The following CSRNP2 variants were observed in gnomAD, a reference collection of about 807,000 sequenced individuals.
CSRNP2 encodes the protein cysteine and serine rich nuclear protein 2.
A neutral mutation model predicts 36.6 loss-of-function variants in CSRNP2; 11 were observed. The observed-to-expected ratio is 0.30, with a 90% CI of 0.19 to 0.50. The LOEUF (loss-of-function observed/expected upper bound fraction) is 0.50, where lower values mean the gene tolerates loss of function less well. CSRNP2 is among the 20% of genes least tolerant of loss of function. CSRNP2 has a pLI of 0.98. For synonymous variants in CSRNP2, 248 were observed against 275.3 expected (o/e 0.90, Z 0.98); for missense variants, 483 against 691.4 (o/e 0.70, Z 3.38).
chr12:51,069,365 C>T (rs1024628505), intron 3 of CSRNP2, among the ~76,000 whole-genome samples: 2 of 147,862 alleles, frequency 1.4e-5, no homozygotes, highest in African/African-American at 5.1e-5. Context: ...CGGCTCACTG[C>T]AATCTCTGCC....
chr12:51,076,650 GC>G lies in CSRNP2; in HGVS notation c.-86-4del. 31 of 1,480,422 alleles carry G rather than the reference GC, an allele frequency of 2.1e-5. No homozygotes were observed. The highest frequency in any genetic ancestry group is 2.7e-5 in the Non-Finnish European group (29 of 1,075,106). 91.7% of individuals were successfully genotyped at this position (1,480,422 alleles called of 1,614,324 possible). On this transcript the variant is annotated splice_polypyrimidine_tract_variant and splice_region_variant and intron_variant, in intron 1 of 4. Coordinates refer to ENST00000228515, the MANE Select transcript of CSRNP2 (RefSeq NM_030809.3). ...AGCTAGCCAGGTACATTAGGATTCT[GC>G]CCAGGGAAAAAAAGGAATCAGCATT...
chr12:51,072,614 T>C (rs1469146538), intron 3 of CSRNP2, among the ~76,000 whole-genome samples: 1 of 88,118 alleles, frequency 1.1e-5, no homozygotes, highest in East Asian at 5.0e-4. Context: ...AAGAGCCATG[T>C]AAGGTGGGTC....
rs1399056803 is a variant in CSRNP2 at position 51,074,076 on chromosome 12, G to C, written c.158C>G (p.Ser53Cys). ...CAGCTGCTTCTGCCGCTTCAGGATG[G>C]ATGTGGCTGAGAAGGGAGCACAGAG... ...PPTTASFTPTSILKRQKQLRR... is the reference protein window; with the variant it reads ...PPTTASFTPTCILKRQKQLRR... Residue 53 changes from serine to cysteine, a missense_variant, in exon 3 of 5, where the codon TCC becomes TGC. By Grantham distance (112) the Ser-to-Cys change is moderately radical. Around this residue, in one of 2 missense-constraint regions of CSRNP2, gnomAD observed 206 missense variants for 367.8 expected, o/e 0.56. Transcript: ENST00000228515. 3 of 1,613,644 alleles carry C rather than the reference G, an allele frequency of 1.9e-6. No individual in the cohort carries two copies. Among genetic ancestry groups the C allele is most frequent in the Non-Finnish European group, 2.5e-6 (3 of 1,179,904 alleles).
rs750651991 is a variant in CSRNP2, at chr12:51,073,915, G to A, written c.319C>T (p.Leu107Phe). The change falls in exon 3 of 5, where the codon CTC (leucine) becomes TTC (phenylalanine). Residue 107 changes from leucine (L) to phenylalanine (F), a missense_variant. Leu to Phe is a conservative substitution (Grantham distance 22, BLOSUM62 0). Transcript: ENST00000228515. ...TCCTGTTCCTGGGCAAACTCACAGA[G>A]TGTATAGCTCCGTACAGAGTTATGG... is the stretch of plus-strand genomic sequence containing the variant. ...QRHNSVRSYTLCEFAQEQEVN... is the reference protein window; with the variant it reads ...QRHNSVRSYTFCEFAQEQEVN... The A allele has an allele frequency of 1.2e-6, 2 of 1,614,102 alleles. No homozygotes were observed. The highest frequency in any genetic ancestry group is 3.3e-5 in the Admixed American group (2 of 60,008).
chr12:51,064,232 C>T lies in CSRNP2; in HGVS notation c.1146G>A (p.Gln382=). ...CAGAGGAGCCTGGGGGCAGCTGAGC[C>T]TGGATGAGAATGGGGGCTGTAAGGC... is the stretch of plus-strand genomic sequence containing the variant. ...CPGLTAPILI[Q]AQLPPGSSVL... Residue 382 remains glutamine, a synonymous_variant, in exon 5 of 5, where the codon CAG becomes CAA. Coordinates refer to ENST00000228515, the MANE Select transcript of CSRNP2 (RefSeq NM_030809.3). 1 of 1,613,592 alleles carries T rather than the reference C, an allele frequency of 6.2e-7. No individual in the cohort carries two copies. The highest frequency in any genetic ancestry group is 8.5e-7 in the Non-Finnish European group (1 of 1,179,820).
rs774446144 is a variant in CSRNP2 at position 51,064,438 on chromosome 12, G to T, written c.940C>A (p.Gln314Lys). 6.2e-7 allele frequency: 1 copy of T among 1,611,264 alleles called. No individual in the cohort carries two copies. Among genetic ancestry groups the T allele is most frequent in the South Asian group, 1.1e-5 (1 of 90,880 alleles). Residue 314 changes from glutamine (Q) to lysine (K), a missense_variant, in exon 5 of 5, where the codon CAG becomes AAG. This residue lies in a region of CSRNP2 where 277 missense variants were observed against 323.6 expected (regional missense o/e 0.86). Transcript: ENST00000228515. Reference protein sequence around the residue: ...GAQGSETQDFQEFIAENETAV... With the variant: ...GAQGSETQDFKEFIAENETAV... ...GTCTCATTCTCAGCAATGAACTCCTGGAAGTCCTGGGTCTCAGAGCCCTGT... is the reference window on the plus strand; with the variant it reads ...GTCTCATTCTCAGCAATGAACTCCTTGAAGTCCTGGGTCTCAGAGCCCTGT...
intron 3 of CSRNP2, among the ~76,000 whole-genome samples, chr12:51,068,782 T>G (rs1436475988): frequency 2.0e-5 from 3 of 151,506 alleles, no homozygotes; most frequent in Non-Finnish European, 2.9e-5. Flanking sequence ...ACTACCTTCT[T>G]GAAAAAAAAA....
Position 51,061,672 on chromosome 12 carries a change from A to AT in CSRNP2, c.*2073dup, listed in dbSNP as rs1208268672. 4.6e-5 allele frequency: 7 copies of AT among 152,302 alleles called. No homozygotes were observed. Among genetic ancestry groups the AT allele is most frequent in the Non-Finnish European group, 1.5e-5 (1 of 68,040 alleles). The allele number at this position is 152,302 out of a possible 1,614,324, so 9.4% of individuals were successfully genotyped here. A position where few individuals can be genotyped will look rare whatever the true frequency, so the allele number is the denominator to read the frequency against. On this transcript the variant is annotated 3_prime_UTR_variant, in exon 5 of 5. Transcript: ENST00000228515. ...TAAGAAACTACAGGTTTTCAGAAAC[A>AT]TATCTTGTGGGTTGGCAATGAGCTT...
intron 3 of CSRNP2, among the ~76,000 whole-genome samples, chr12:51,068,204 C>T (rs1040065915): frequency 2.6e-5 from 4 of 152,222 alleles, no homozygotes; most frequent in Admixed American, 6.5e-5. Flanking sequence ...GTCGTCCAGG[C>T]GGGAGTGCAG....
Position 51,063,788 on chromosome 12 carries a change from C to T in CSRNP2, c.1590G>A (p.Arg530=). The T allele has an allele frequency of 1.3e-6, 2 of 1,593,826 alleles. No homozygotes were observed. Among genetic ancestry groups the T allele is most frequent in the Non-Finnish European group, 8.5e-7 (1 of 1,169,688 alleles). The change falls in exon 5 of 5, where the codon CGG becomes CGA. Residue 530 remains arginine (R), a synonymous_variant. Coordinates refer to ENST00000228515, the MANE Select transcript of CSRNP2 (RefSeq NM_030809.3). ...GTTCTAAGGAAGAATCTTCAGGGGG[C>T]CGATCCTCATTCTGCTGGGAGGTCT... ...MVKTSQQNED[R]PPEDSSLELP...
chr12:51,071,840 C>G (rs550771896), intron 3 of CSRNP2, among the ~76,000 whole-genome samples: 1 of 152,126 alleles, frequency 6.6e-6, no homozygotes. Context: ...TTGATGAGAA[C>G]AGTGTTTATT....
Position 51,076,393 on chromosome 12 carries a change from A to T in CSRNP2, c.151+18T>A. ...TTGGGGAATGTGGGTATAGGCAGGG[A>T]CGGAGCAGCTTACTCACGTGTGAAG... is the stretch of plus-strand genomic sequence containing the variant. On this transcript the variant is annotated intron_variant, in intron 2 of 4. Transcript: ENST00000228515. 4 of 1,613,416 alleles carry T rather than the reference A, an allele frequency of 2.5e-6. No individual in the cohort carries two copies. The highest frequency in any genetic ancestry group is 3.4e-6 in the Non-Finnish European group (4 of 1,179,682).
intron 3 of CSRNP2, among the ~76,000 whole-genome samples, chr12:51,070,399 T>C (rs1167304991): frequency 2.0e-5 from 3 of 152,202 alleles, no homozygotes; most frequent in South Asian, 2.1e-4. Context: ...CCTTTCTGTT[T>C]ATCTCAGGAT....
intron 3 of CSRNP2, among the ~76,000 whole-genome samples, chr12:51,069,127 C>T (rs1026472565): frequency 6.6e-6 from 1 of 152,040 alleles, no homozygotes; most frequent in African/African-American, 2.4e-5. Context: ...AGGCACCTGC[C>T]ACCACGCCCG....
Position 51,067,820 on chromosome 12 carries a change from C to G in CSRNP2, c.561G>C (p.Leu187=). 6.2e-7 allele frequency: 1 copy of G among 1,614,236 alleles called. No homozygotes were observed. The highest frequency in any genetic ancestry group is 8.5e-7 in the Non-Finnish European group (1 of 1,180,048). The change falls in exon 4 of 5, where the codon CTG becomes CTC. Residue 187 remains leucine (L), a synonymous_variant. Coordinates refer to ENST00000228515, the MANE Select transcript of CSRNP2 (RefSeq NM_030809.3). This position sits in a 1 kb window ranked among gnomAD's most constrained non-coding sequence, Gnocchi z 4.1. ...CAATACGGTGGACCCCAGAAGCCCT[C>G]AGCAGGGCCCGTCGCCGTTTGGTGG... ...PLPTKRRRAL[L]RASGVHRIDA...
At chr12:51,072,440 GTAGTCCCAGC>G (rs1939205126) in intron 3 of CSRNP2, among the ~76,000 whole-genome samples, 1 of 151,628 alleles carries the variant, frequency 6.6e-6, no homozygotes, top group Non-Finnish European at 1.5e-5. Flanking sequence ...TTGGGCACCT[GTAGTCCCAGC>G]TATTCAGGAG....
In CSRNP2 at chr12:51,070,945, G is replaced by C. The variant is rs868328945; in HGVS notation, c.411+2878C>G. 2.6e-5 allele frequency among the ~76,000 whole-genome samples: 4 copies of C among 152,036 alleles called. No homozygotes were observed. In the South Asian group the frequency reaches 8.3e-4, roughly 32 times the overall value. On this transcript the variant is annotated intron_variant, in intron 3 of 4. Coordinates refer to ENST00000228515, the MANE Select transcript of CSRNP2 (RefSeq NM_030809.3). ...AAGACCAGGAGTTCGAGACCAGCTT[G>C]GGCAACAGAACAAGACCCCATCTCT...
Position 51,082,011 on chromosome 12 carries a change from C to T in CSRNP2, c.-87+1328G>A, listed in dbSNP as rs368735387. On this transcript the variant is annotated intron_variant, in intron 1 of 4. Coordinates refer to ENST00000228515, the MANE Select transcript of CSRNP2 (RefSeq NM_030809.3). ...AGAAAGCCTCTTCACTTGACTGGAA[C>T]CCAACCTTCTGCTAAAGGTCAAGGA... 6.2e-4 allele frequency among the ~76,000 whole-genome samples: 94 copies of T among 152,324 alleles called. No homozygotes were observed. The South Asian group carries it at 0.019, about 30-fold the overall frequency.
In CSRNP2 at chr12:51,072,562, C is replaced by CAAA. The variant is rs71089741; in HGVS notation, c.411+1258_411+1260dup. Among the ~76,000 whole-genome samples, 42 of 66,918 alleles carry CAAA rather than the reference C, an allele frequency of 6.3e-4. 1 individual carries two copies. Among genetic ancestry groups the CAAA allele is most frequent in the African/African-American group, 2.1e-3 (32 of 14,956 alleles). The allele number at this position is 66,918 out of a possible 152,430, so 43.9% of individuals were successfully genotyped here. On this transcript the variant is annotated intron_variant, in intron 3 of 4. Transcript: ENST00000228515. ...TGGGCAACAGAGCTAGGCTCCGTCT[C>CAAA]AAAAAAAAAAAAAAAAAAAAAAAAA...
Sources: gnomAD v4.1 joint callset for allele counts (sites outside exome capture counted in the v4.1 genomes callset) on GRCh38, gnomAD v4.1.1 for gene constraint, gnomAD v4.1.1 regional missense constraint, Gnocchi (gnomAD v3.1) non-coding constraint, MANE v1.5 for transcripts, NCBI Gene and HGNC (gene_info 2026-07-23, HGNC 2026-07-21) for gene names.